The following SOX9 variants were observed in gnomAD, a reference collection of about 807,000 sequenced individuals.
The protein encoded by SOX9 is transcription factor SOX-9.
A neutral mutation model predicts 44.8 loss-of-function variants in SOX9; 2 were observed. The ratio of observed to expected loss-of-function variants is 0.04; its 90% CI spans 0.02 to 0.14. SOX9 has a LOEUF of 0.14. Ranked by LOEUF, SOX9 falls within the 10% of genes least tolerant of loss-of-function variation. The pLI, the probability that SOX9 is intolerant of heterozygous loss-of-function variation, is 1.00. For synonymous variants in SOX9, 381 were observed against 331.8 expected, an observed-to-expected ratio of 1.15 and a Z score of -1.61; for missense variants, 583 against 728.6, an observed-to-expected ratio of 0.80 and a Z score of 2.30.
At position 72,123,034 on chromosome 17, in the gene SOX9, C is replaced by A. The variant is rs2143248050; in HGVS notation, c.685+62C>A. ...CCGTCCCGCCTGGCACACCCCCTGCCCTCCGCCTGGGAGATTCTTCGTGGG... is the reference window on the plus strand; with the variant it reads ...CCGTCCCGCCTGGCACACCCCCTGCACTCCGCCTGGGAGATTCTTCGTGGG... On this transcript the variant is annotated intron_variant, in intron 2 of 2. Transcript: ENST00000245479. This position sits in a 1 kb window ranked among gnomAD's most constrained non-coding sequence, Gnocchi z 6.5. 2 of 1,591,208 alleles carry A rather than the reference C, an allele frequency of 1.3e-6. No homozygotes were observed. The highest frequency in any genetic ancestry group is 1.7e-6 in the Non-Finnish European group (2 of 1,169,838).
In SOX9 at chr17:72,123,051, C is replaced by T. The variant is rs2143248178; in HGVS notation, c.685+79C>T. The stretch of plus-strand genomic sequence containing the variant: ...CCCCCTGCCCTCCGCCTGGGAGATT[C>T]TTCGTGGGGACTTTATGCTTCCCGG... On this transcript the variant is annotated intron_variant, in intron 2 of 2. Transcript: ENST00000245479. The surrounding 1 kb of genome is among the most constrained non-coding windows in gnomAD (Gnocchi z 6.5). The T allele has an allele frequency of 6.4e-7, 1 of 1,558,144 alleles. No individual in the cohort carries two copies. The highest frequency in any genetic ancestry group is 8.7e-7 in the Non-Finnish European group (1 of 1,143,834).
chr17:72,121,583 C>T lies in SOX9; in HGVS notation c.192C>T (p.Ser64=), dbSNP rs1439471812. 1.2e-6 allele frequency: 2 copies of T among 1,607,380 alleles called. No individual in the cohort carries two copies. The highest frequency in any genetic ancestry group is 1.7e-6 in the Non-Finnish European group (2 of 1,177,260). ...GCGAGCCCGATCTGAAGAAGGAGAG[C>T]GAGGAGGACAAGTTCCCCGTGTGCA... ...PKGEPDLKKE[S]EEDKFPVCIR... The change falls in exon 1 of 3, where the codon AGC becomes AGT. Residue 64 remains serine (S), a synonymous_variant. Transcript: ENST00000245479. This position sits in a 1 kb window ranked among gnomAD's most constrained non-coding sequence, Gnocchi z 8.3.
At position 72,125,905 on chromosome 17, in the gene SOX9, G is replaced by T. The variant is rs1286385086; in HGVS notation, c.*1518G>T. 4.3e-6 allele frequency: 1 copy of T among 232,408 alleles called. No homozygotes were observed. Among genetic ancestry groups the T allele is most frequent in the Non-Finnish European group, 8.5e-6 (1 of 117,420 alleles). The allele number at this position is 232,408 out of a possible 1,614,324, so 14.4% of individuals were successfully genotyped here. A position where few individuals can be genotyped will look rare whatever the true frequency, so the allele number is the denominator to read the frequency against. On this transcript the variant is annotated 3_prime_UTR_variant, in exon 3 of 3. Coordinates refer to ENST00000245479, the MANE Select transcript of SOX9 (RefSeq NM_000346.4). ...TTGGGCTGCCTTATATTGTGTGTGT[G>T]TGTGGGTGTGTGTGTGTTTTGACAC...
Position 72,121,316 on chromosome 17 carries a change from G to A in SOX9, c.-76G>A. ...CATCCGGGCAGCCGAGGGGAGAGGA[G>A]CCCGCGCCTCGAGTCCCCGAGCCGC... On this transcript the variant is annotated 5_prime_UTR_variant, in exon 1 of 3. Transcript: ENST00000245479. This position sits in a 1 kb window ranked among gnomAD's most constrained non-coding sequence, Gnocchi z 8.3. 7.3e-7 allele frequency: 1 copy of A among 1,360,890 alleles called. No individual in the cohort carries two copies. The highest frequency in any genetic ancestry group is 1.0e-6 in the Non-Finnish European group (1 of 961,702). The allele number at this position is 1,360,890 out of a possible 1,614,324, so 84.3% of individuals were successfully genotyped here. A position where few individuals can be genotyped will look rare whatever the true frequency, so the allele number is the denominator to read the frequency against.
Position 72,124,328 on chromosome 17 carries a change from C to G in SOX9, c.1471C>G (p.Gln491Glu), listed in dbSNP as rs1208288758. 2 of 1,603,284 alleles carry G rather than the reference C, an allele frequency of 1.2e-6. No individual in the cohort carries two copies. The highest frequency in any genetic ancestry group is 1.7e-6 in the Non-Finnish European group (2 of 1,179,956). The change falls in exon 3 of 3, where the codon CAG (glutamine) becomes GAG (glutamate). Residue 491 changes from glutamine to glutamate, a missense_variant. Gln to Glu is a conservative substitution (Grantham distance 29, BLOSUM62 2). Transcript: ENST00000245479. This position sits in a 1 kb window ranked among gnomAD's most constrained non-coding sequence, Gnocchi z 4.6. ...CACCTCTGGGGTCCCTTCCATCCCG[C>G]AGACCCACAGCCCCCAGCACTGGGA... ...ADTSGVPSIP[Q>E]THSPQHWEQP...
At position 72,123,524 on chromosome 17, in the gene SOX9, G is replaced by A; in HGVS notation, c.686-19G>A. On this transcript the variant is annotated intron_variant, in intron 2 of 2. Transcript: ENST00000245479. This position sits in a 1 kb window ranked among gnomAD's most constrained non-coding sequence, Gnocchi z 6.5. ...AGCCCTTGTTGATTTTCTCGTGCTTGTTCTTTTATTGTCCACAGGGCAATC... is the reference window on the plus strand; with the variant it reads ...AGCCCTTGTTGATTTTCTCGTGCTTATTCTTTTATTGTCCACAGGGCAATC... The A allele has an allele frequency of 6.2e-7, 1 of 1,614,080 alleles. No homozygotes were observed. The highest frequency in any genetic ancestry group is 8.5e-7 in the Non-Finnish European group (1 of 1,179,998).
In SOX9 at chr17:72,121,297, G is replaced by C. The variant is rs952839941; in HGVS notation, c.-95G>C. ...CCGGGAGCCGCTTGCTCCGCATCCGGGCAGCCGAGGGGAGAGGAGCCCGCG... is the reference window on the plus strand; with the variant it reads ...CCGGGAGCCGCTTGCTCCGCATCCGCGCAGCCGAGGGGAGAGGAGCCCGCG... On this transcript the variant is annotated 5_prime_UTR_variant, in exon 1 of 3. Coordinates refer to ENST00000245479, the MANE Select transcript of SOX9 (RefSeq NM_000346.4). The surrounding 1 kb of genome is among the most constrained non-coding windows in gnomAD (Gnocchi z 8.3). 1.7e-6 allele frequency: 2 copies of C among 1,170,108 alleles called. No individual in the cohort carries two copies. Among genetic ancestry groups the C allele is most frequent in the Non-Finnish European group, 1.3e-6 (1 of 799,062 alleles). 72.5% of individuals were successfully genotyped at this position (1,170,108 alleles called of 1,614,324 possible). A position where few individuals can be genotyped will look rare whatever the true frequency, so the allele number is the denominator to read the frequency against.
chr17:72,124,401 G>C lies in SOX9; in HGVS notation c.*14G>C, dbSNP rs780506015. ...ACTCGACCTTGAGGAGGCCTCCCAC[G>C]AAGGGCGAAGATGGCCGAGATGATC... On this transcript the variant is annotated 3_prime_UTR_variant, in exon 3 of 3. Coordinates refer to ENST00000245479, the MANE Select transcript of SOX9 (RefSeq NM_000346.4). This position sits in a 1 kb window ranked among gnomAD's most constrained non-coding sequence, Gnocchi z 4.6. 4.4e-6 allele frequency: 7 copies of C among 1,599,760 alleles called. No homozygotes were observed. Among genetic ancestry groups the C allele is most frequent in the Non-Finnish European group, 5.9e-6 (7 of 1,179,926 alleles).
In SOX9 at chr17:72,126,154, C is replaced by A. The variant is rs1908277820; in HGVS notation, c.*1767C>A. The A allele has an allele frequency of 4.3e-6, 1 of 232,352 alleles. No homozygotes were observed. The allele number at this position is 232,352 out of a possible 1,614,324, so 14.4% of individuals were successfully genotyped here. ...GTCAGTAGAATAAAATCTTAAAGCA[C>A]TCATAATATGGCATCCTTCAATTTC... is the stretch of plus-strand genomic sequence containing the variant. On this transcript the variant is annotated 3_prime_UTR_variant, in exon 3 of 3. Coordinates refer to ENST00000245479, the MANE Select transcript of SOX9 (RefSeq NM_000346.4).
rs536213863 is a variant in SOX9 at position 72,125,227 on chromosome 17, C to T, written c.*840C>T. 2.2e-5 allele frequency: 5 copies of T among 228,068 alleles called. No individual in the cohort carries two copies. The South Asian group carries it at 9.1e-4, about 42-fold the overall frequency. 14.1% of individuals were successfully genotyped at this position (228,068 alleles called of 1,614,324 possible). Reference sequence around the variant, plus strand: ...ATATATTTTTTAAAGAAGAGAAAAACACCTTGAGCCTTAAAACGGTGCTGC... The same window carrying T: ...ATATATTTTTTAAAGAAGAGAAAAATACCTTGAGCCTTAAAACGGTGCTGC... On this transcript the variant is annotated 3_prime_UTR_variant, in exon 3 of 3. Coordinates refer to ENST00000245479, the MANE Select transcript of SOX9 (RefSeq NM_000346.4).
rs2143246296 is a variant in SOX9, at chr17:72,122,845, G to A, written c.558G>A (p.Gln186=). The change falls in exon 2 of 3, where the codon CAG becomes CAA. Residue 186 remains glutamine (Q), a synonymous_variant. Coordinates refer to ENST00000245479, the MANE Select transcript of SOX9 (RefSeq NM_000346.4). ...GGAGGAAGTCGGTGAAGAACGGGCA[G>A]GCGGAGGCAGAGGAGGCCACGGAGC... ...PRRRKSVKNG[Q]AEAEEATEQT... is the part of the protein sequence containing the mutation. 2.5e-6 allele frequency: 4 copies of A among 1,614,172 alleles called. No homozygotes were observed. Among genetic ancestry groups the A allele is most frequent in the Non-Finnish European group, 3.4e-6 (4 of 1,180,034 alleles).
At position 72,121,856 on chromosome 17, in the gene SOX9, G is replaced by A. The variant is rs201056124; in HGVS notation, c.431+34G>A. The A allele has an allele frequency of 1.3e-6, 2 of 1,513,074 alleles. No individual in the cohort carries two copies. The highest frequency in any genetic ancestry group is 1.4e-5 in the African/African-American group (1 of 72,302). The allele number at this position is 1,513,074 out of a possible 1,614,324, so 93.7% of individuals were successfully genotyped here. On this transcript the variant is annotated intron_variant, in intron 1 of 2. Transcript: ENST00000245479. The surrounding 1 kb of genome is among the most constrained non-coding windows in gnomAD (Gnocchi z 8.3). ...CGGCGGGGGCGGCGCGGCAGGGTGGGCATCGCGGCGGCTGGGGGCGCTGGT... is the reference window on the plus strand; with the variant it reads ...CGGCGGGGGCGGCGCGGCAGGGTGGACATCGCGGCGGCTGGGGGCGCTGGT...
chr17:72,123,318 G>A lies in SOX9; in HGVS notation c.686-225G>A, dbSNP rs749989154. Among the ~76,000 whole-genome samples the A allele has an allele frequency of 1.3e-5, 2 of 152,182 alleles. No individual in the cohort carries two copies. The highest frequency in any genetic ancestry group is 2.9e-5 in the Non-Finnish European group (2 of 68,030). On this transcript the variant is annotated intron_variant, in intron 2 of 2. Transcript: ENST00000245479. This position sits in a 1 kb window ranked among gnomAD's most constrained non-coding sequence, Gnocchi z 6.5. ...TACACAAGTAGCAATTAGGTCTTCC[G>A]GACCCTCCGGGCCCCAGACCCTCCC...
At position 72,123,915 on chromosome 17, in the gene SOX9, C is replaced by A. The variant is rs762041707; in HGVS notation, c.1058C>A (p.Pro353Gln). 24 of 1,297,532 alleles carry A rather than the reference C, an allele frequency of 1.8e-5. No homozygotes were observed. The South Asian group carries it at 2.5e-4, about 14-fold the overall frequency. 80.4% of individuals were successfully genotyped at this position (1,297,532 alleles called of 1,614,324 possible). The change falls in exon 3 of 3, where the codon CCG becomes CAG. Residue 353 changes from proline to glutamine, a missense_variant. Physicochemically the swap from Pro to Gln is moderately conservative, Grantham distance 76. Transcript: ENST00000245479. This position sits in a 1 kb window ranked among gnomAD's most constrained non-coding sequence, Gnocchi z 6.5. ...CCCCCGCAGCAGCCCCCACAGGCCCCGCCGGCCCCGCAGGCGCCCCCGCAG... is the reference window on the plus strand; with the variant it reads ...CCCCCGCAGCAGCCCCCACAGGCCCAGCCGGCCCCGCAGGCGCCCCCGCAG... ...PPPPQQPPQA[P>Q]PAPQAPPQPQ...
At position 72,123,641 on chromosome 17, in the gene SOX9, G is replaced by C. The variant is rs767836798; in HGVS notation, c.784G>C (p.Gly262Arg). 10 of 1,614,148 alleles carry C rather than the reference G, an allele frequency of 6.2e-6. No individual in the cohort carries two copies. The South Asian group carries it at 6.6e-5, about 11-fold the overall frequency. Residue 262 changes from glycine (G) to arginine (R), a missense_variant, in exon 3 of 3, where the codon GGG becomes CGG. Physicochemically the swap from Gly to Arg is moderately radical, Grantham distance 125. Coordinates refer to ENST00000245479, the MANE Select transcript of SOX9 (RefSeq NM_000346.4). This position sits in a 1 kb window ranked among gnomAD's most constrained non-coding sequence, Gnocchi z 6.5. ...LKREGRPLPE[G>R]GRQPPIDFRD... ...GCGAGAGGGGCGCCCCTTGCCAGAG[G>C]GGGGCAGACAGCCCCCTATCGACTT...
At position 72,125,237 on chromosome 17, in the gene SOX9, C is replaced by G. The variant is rs1016437048; in HGVS notation, c.*850C>G. ...TAAAGAAGAGAAAAACACCTTGAGC[C>G]TTAAAACGGTGCTGCTGGGAAACAT... On this transcript the variant is annotated 3_prime_UTR_variant, in exon 3 of 3. Coordinates refer to ENST00000245479, the MANE Select transcript of SOX9 (RefSeq NM_000346.4). 6.6e-5 allele frequency: 15 copies of G among 228,658 alleles called. No homozygotes were observed. Among genetic ancestry groups the G allele is most frequent in the African/African-American group, 3.3e-4 (15 of 45,016 alleles). 14.2% of individuals were successfully genotyped at this position (228,658 alleles called of 1,614,324 possible). A position where few individuals can be genotyped will look rare whatever the true frequency, so the allele number is the denominator to read the frequency against.
rs1003847603 is a variant in SOX9, at chr17:72,121,480, C to T, written c.89C>T (p.Ser30Phe). 6.2e-7 allele frequency: 1 copy of T among 1,612,128 alleles called. No individual in the cohort carries two copies. The highest frequency in any genetic ancestry group is 8.5e-7 in the Non-Finnish European group (1 of 1,179,650). The change falls in exon 1 of 3, where the codon TCC becomes TTC. Residue 30 changes from serine (S) to phenylalanine (F), a missense_variant. Ser to Phe is a radical substitution (Grantham distance 155). Around this residue, in one of 7 missense-constraint regions of SOX9, gnomAD observed 101 missense variants for 98.6 expected, o/e 1.02. Coordinates refer to ENST00000245479, the MANE Select transcript of SOX9 (RefSeq NM_000346.4). This position sits in a 1 kb window ranked among gnomAD's most constrained non-coding sequence, Gnocchi z 8.3. ...GAPSPTMSED[S>F]AGSPCPSGSG... ...CCCAGCCCCACCATGTCCGAGGACT[C>T]CGCGGGCTCGCCCTGCCCGTCGGGC...
chr17:72,125,197 CATAT>C lies in SOX9; in HGVS notation c.*817_*820del. 8.8e-6 allele frequency: 2 copies of C among 226,990 alleles called. No homozygotes were observed. The highest frequency in any genetic ancestry group is 1.8e-5 in the Non-Finnish European group (2 of 114,048). 14.1% of individuals were successfully genotyped at this position (226,990 alleles called of 1,614,324 possible). ...TAGAGAAGCATTTGGTAAGCTTTAT[CATAT>C]ATATATTTTTTAAAGAAGAGAAAAA... is the stretch of plus-strand genomic sequence containing the variant. On this transcript the variant is annotated 3_prime_UTR_variant, in exon 3 of 3. Transcript: ENST00000245479.
Position 72,121,589 on chromosome 17 carries a change from G to A in SOX9, c.198G>A (p.Glu66=), listed in dbSNP as rs768734469. The A allele has an allele frequency of 2.5e-6, 4 of 1,606,870 alleles. No homozygotes were observed. Among genetic ancestry groups the A allele is most frequent in the East Asian group, 2.2e-5 (1 of 44,506 alleles). The change falls in exon 1 of 3, where the codon GAG becomes GAA. Residue 66 remains glutamate (E), a synonymous_variant. Transcript: ENST00000245479. The surrounding 1 kb of genome is among the most constrained non-coding windows in gnomAD (Gnocchi z 8.3). ...CCGATCTGAAGAAGGAGAGCGAGGA[G>A]GACAAGTTCCCCGTGTGCATCCGCG... is the stretch of plus-strand genomic sequence containing the variant. ...GEPDLKKESE[E]DKFPVCIREA...
Sources: gnomAD v4.1 joint callset for allele counts (sites outside exome capture counted in the v4.1 genomes callset) on GRCh38, gnomAD v4.1.1 for gene constraint, gnomAD v4.1.1 regional missense constraint, Gnocchi (gnomAD v3.1) non-coding constraint, MANE v1.5 for transcripts, NCBI Gene and HGNC (gene_info 2026-07-23, HGNC 2026-07-21) for gene names.